MECOM: variants seen among roughly 807,000 people sequenced by gnomAD.
The protein encoded by MECOM is MDS1 and EVI1 complex locus.
In MECOM, 13 loss-of-function variants were observed where a neutral mutation model predicts 116.3. That is an observed-to-expected ratio of 0.11 (90% CI 0.07 to 0.18). The LOEUF (loss-of-function observed/expected upper bound fraction) is 0.18. MECOM is among the 10% of genes least tolerant of loss of function. The probability of loss-of-function intolerance (pLI) is 1.00; values close to 1 mark genes in which losing one functional copy is unlikely to be tolerated. For synonymous variants in MECOM, 528 were observed against 535.2 expected, an observed-to-expected ratio of 0.99 and a Z score of 0.19; for missense variants, 1,299 against 1,509.0, an observed-to-expected ratio of 0.86 and a Z score of 2.31.
At chr3:169,593,089 CTA>C (rs1169724575) in intron 1 of MECOM, among the ~76,000 whole-genome samples, 2 of 152,162 alleles carry the variant, frequency 1.3e-5, no homozygotes, top group African/African-American at 4.8e-5. Flanking sequence ...AGGGGTCTCG[CTA>C]TGTTGCCCAG....
At chr3:169,270,819 A>G (rs1758852475) in intron 2 of MECOM, among the ~76,000 whole-genome samples, 1 of 152,202 alleles carries the variant, frequency 6.6e-6, no homozygotes, top group South Asian at 2.1e-4. Context: ...CAGACTATGC[A>G]ATAACTGGCC....
At position 169,121,108 on chromosome 3, in the gene MECOM, C is replaced by A. The variant is rs185054275; in HGVS notation, c.1080G>T (p.Ser360=). 3 of 1,613,486 alleles carry A rather than the reference C, an allele frequency of 1.9e-6. No individual in the cohort carries two copies. The highest frequency in any genetic ancestry group is 3.3e-5 in the Admixed American group (2 of 59,942). Residue 360 remains serine, a synonymous_variant, in exon 7 of 17, where the codon TCG becomes TCT. Coordinates refer to ENST00000651503, the MANE Select transcript of MECOM (RefSeq NM_004991.4). ...TGTGCTTGTGTTGTTTGAGGCCCGA[C>A]GAAGTGGCAAACGTTTTGCCACACT... ...CPECGKTFAT[S]SGLKQHKHIH... is the part of the protein sequence containing the mutation.
chr3:169,306,649 C>T (rs927746498), intron 2 of MECOM, among the ~76,000 whole-genome samples: 3 of 152,208 alleles, frequency 2.0e-5, no homozygotes, highest in African/African-American at 7.2e-5. Context: ...CCATTGCACT[C>T]CAGCCTGGGT....
At chr3:169,300,305 T>G (rs1007120443) in intron 2 of MECOM, among the ~76,000 whole-genome samples, 3 of 152,330 alleles carry the variant, frequency 2.0e-5, no homozygotes, top group Non-Finnish European at 4.4e-5. Context: ...TGATATTTTA[T>G]AGTAAATAAT....
At chr3:169,475,773 A>G (rs1750273551) in intron 1 of MECOM, among the ~76,000 whole-genome samples, 1 of 152,174 alleles carries the variant, frequency 6.6e-6, no homozygotes, top group African/African-American at 2.4e-5. Flanking sequence ...GGGAAACCTC[A>G]AGTGGTTTTT....
intron 1 of MECOM, among the ~76,000 whole-genome samples, chr3:169,635,127 A>C (rs185606900): frequency 1.3e-3 from 197 of 152,274 alleles, no homozygotes; most frequent in African/African-American, 4.5e-3. Flanking sequence ...GCACAGCATC[A>C]AGCCAGGCCG....
At chr3:169,596,829 T>TA (rs1265177747) in intron 1 of MECOM, among the ~76,000 whole-genome samples, 1 of 152,196 alleles carries the variant, frequency 6.6e-6, no homozygotes, top group Non-Finnish European at 1.5e-5. Context: ...TAGTTACAAA[T>TA]ACCTTAGTTT....
At chr3:169,294,418 C>A (rs1715198464) in intron 2 of MECOM, among the ~76,000 whole-genome samples, 1 of 152,200 alleles carries the variant, frequency 6.6e-6, no homozygotes, top group East Asian at 1.9e-4. Context: ...ATGTATTGAT[C>A]ATTTGGGAGG....
rs140106633 is a variant in MECOM at position 169,539,699 on chromosome 3, A to G, written c.37+123637T>C. ...ATCCCTCAAGATCCATGCTCTGCCC[A>G]GTAGCCAGAGTAATCTTTTAAAAAC... On this transcript the variant is annotated intron_variant, in intron 1 of 16. Transcript: ENST00000651503. Among the ~76,000 whole-genome samples, 251 of 152,288 alleles carry G rather than the reference A, an allele frequency of 1.6e-3. 4 individuals are homozygous for G. The Middle Eastern group carries it at 0.017, about 10-fold the overall frequency.
At chr3:169,354,867 G>C (rs1478472385) in intron 2 of MECOM, among the ~76,000 whole-genome samples, 1 of 151,768 alleles carries the variant, frequency 6.6e-6, no homozygotes, top group African/African-American at 2.4e-5. Flanking sequence ...CACTCCCCTG[G>C]AGACTGACCC....
At chr3:169,406,440 G>C (rs1471664424) in intron 1 of MECOM, among the ~76,000 whole-genome samples, 1 of 152,184 alleles carries the variant, frequency 6.6e-6, no homozygotes, top group Non-Finnish European at 1.5e-5. Flanking sequence ...TTCCTTGAAA[G>C]AGCCACAAGT....
At chr3:169,087,435 C>G (rs1196945573) in intron 16 of MECOM, among the ~76,000 whole-genome samples, 1 of 151,782 alleles carries the variant, frequency 6.6e-6, no homozygotes, top group African/African-American at 2.4e-5. Flanking sequence ...CATCTCTACA[C>G]AAAATTGAAA....
chr3:169,472,721 GA>G (rs1369276130), intron 1 of MECOM, among the ~76,000 whole-genome samples: 16 of 93,362 alleles, frequency 1.7e-4, no homozygotes, highest in African/African-American at 6.2e-4. Context: ...GAAAGGGAGG[GA>G]GGGGGAAGGA....
intron 1 of MECOM, among the ~76,000 whole-genome samples, chr3:169,614,089 C>CTCTTT (rs139037909): frequency 0.042 from 6,085 of 145,994 alleles, 170 homozygotes; most frequent in African/African-American, 0.085. Context: ...CTCCTCTCCT[C>CTCTTT]TCTTTTCTTT....
intron 2 of MECOM, among the ~76,000 whole-genome samples, chr3:169,186,053 C>G (rs745377045): frequency 2.0e-5 from 3 of 152,148 alleles, no homozygotes; most frequent in Non-Finnish European, 4.4e-5. Context: ...TCCCTCTGGA[C>G]TTGGTTGTGT....
intron 1 of MECOM, among the ~76,000 whole-genome samples, chr3:169,496,978 C>A (rs375960395): frequency 7.9e-5 from 12 of 152,206 alleles, no homozygotes; most frequent in African/African-American, 2.7e-4. Context: ...AGCCTTCTAT[C>A]CATTCAAACT....
At chr3:169,088,369 T>C (rs930387417) in intron 16 of MECOM, among the ~76,000 whole-genome samples, 1 of 152,224 alleles carries the variant, frequency 6.6e-6, no homozygotes, top group African/African-American at 2.4e-5. Flanking sequence ...TTAGTTACCA[T>C]AGTGCTGATA....
intron 2 of MECOM, among the ~76,000 whole-genome samples, chr3:169,208,435 G>T (rs540016637): frequency 6.6e-6 from 1 of 151,608 alleles, no homozygotes; most frequent in South Asian, 2.1e-4. Context: ...GCTCATAACA[G>T]CTTCTGTTTA....
chr3:169,121,041 G>A lies in MECOM; in HGVS notation c.1132+15C>T, dbSNP rs1436601834. The A allele has an allele frequency of 2.5e-6, 4 of 1,591,276 alleles. No individual in the cohort carries two copies. In the African/African-American group the frequency reaches 5.4e-5, roughly 21 times the overall value. On this transcript the variant is annotated intron_variant, in intron 7 of 16. Coordinates refer to ENST00000651503, the MANE Select transcript of MECOM (RefSeq NM_004991.4). Reference sequence around the variant, plus strand: ...GACAGATGTGGGAAGGAGGGCTGGAGTGTTGAAAACTTACAGATAAAGGGC... The same window carrying A: ...GACAGATGTGGGAAGGAGGGCTGGAATGTTGAAAACTTACAGATAAAGGGC...
Sources: allele counts gnomAD v4.1 joint callset (sites outside exome capture counted in the v4.1 genomes callset), GRCh38; gene constraint gnomAD v4.1.1; transcripts MANE v1.5; gene names NCBI Gene and HGNC (gene_info 2026-07-23, HGNC 2026-07-21).